Variants in RORC observed in about 807,000 individuals in gnomAD.
The protein encoded by RORC is nuclear receptor ROR-gamma.
A neutral mutation model predicts 64.5 loss-of-function variants in RORC; 13 were observed. The observed-to-expected ratio is 0.20, with a 90% CI of 0.13 to 0.32. The LOEUF is 0.32. Ranked by LOEUF, RORC falls within the 10% of genes least tolerant of loss-of-function variation. The pLI, the probability that RORC is intolerant of heterozygous loss-of-function variation, is 1.00. For synonymous variants in RORC, 277 were observed against 259.3 expected (o/e 1.07, Z -0.65); for missense variants, 468 against 669.5 (o/e 0.70, Z 3.32).
chr1:151,827,960 C>T (rs1388401514), intron 2 of RORC, among the ~76,000 whole-genome samples: 1 of 151,932 alleles, frequency 6.6e-6, no homozygotes, highest in Non-Finnish European at 1.5e-5. Flanking sequence ...TGACCCCCCT[C>T]CCCCAGCTCA....
Position 151,811,357 on chromosome 1 carries a change from A to G in RORC, c.1363T>C (p.Cys455Arg), listed in dbSNP as rs201848485. ...NLELAFHHHL[C>R]KTHRQSILAK... Reference sequence around the variant, plus strand: ...AGGATGCTTTGGCGATGAGTCTTGCAGAGATGATGATGAAAGGCCAGCTCC... The same window carrying G: ...AGGATGCTTTGGCGATGAGTCTTGCGGAGATGATGATGAAAGGCCAGCTCC... Residue 455 changes from cysteine (C) to arginine (R), a missense_variant, in exon 10 of 11, where the codon TGC becomes CGC. Physicochemically the swap from Cys to Arg is radical, Grantham distance 180. This residue lies in a region of RORC where 93 missense variants were observed against 116.6 expected (regional missense o/e 0.80). Transcript: ENST00000318247. 8.1e-6 allele frequency: 13 copies of G among 1,613,832 alleles called. No individual in the cohort carries two copies. Among genetic ancestry groups the G allele is most frequent in the Non-Finnish European group, 1.1e-5 (13 of 1,179,840 alleles).
At chr1:151,825,804 G>C (rs374085675) in intron 2 of RORC, 1 of 1,139,056 alleles carries the variant, frequency 8.8e-7, no homozygotes, top group African/African-American at 1.5e-5. Context: ...AACAGATCTT[G>C]ACCTTGACCA....
intron 2 of RORC, among the ~76,000 whole-genome samples, chr1:151,821,671 A>G (rs1651998955): frequency 6.6e-6 from 1 of 152,204 alleles, no homozygotes; most frequent in Non-Finnish European, 1.5e-5. Flanking sequence ...GATCTCTGTA[A>G]TTCTGCAGCC....
intron 9 of RORC, 116 bp from the exon 10 acceptor site, chr1:151,811,550 G>T: frequency 1.7e-6 from 1 of 591,030 alleles, no homozygotes; most frequent in Non-Finnish European, 3.0e-6. Flanking sequence ...TAAGCTGAGC[G>T]CGTGCATGTG....
rs148449205 is a variant in RORC, at chr1:151,820,274, T to C, written c.71-2994A>G. Among the ~76,000 whole-genome samples, 835 of 152,126 alleles carry C rather than the reference T, an allele frequency of 5.5e-3. 11 individuals carry two copies. Among genetic ancestry groups the C allele is most frequent in the African/African-American group, 0.018 (758 of 41,472 alleles). ...GAGAACGGGAAGGGGGCTGGTAGAC[T>C]TGGGGGTTGGTGAGAGGAGCTGAAA... On this transcript the variant is annotated intron_variant, in intron 2 of 10. Transcript: ENST00000318247.
In RORC at chr1:151,817,246, C is replaced by T. The variant is rs199920990; in HGVS notation, c.105G>A (p.Gly35=). The T allele has an allele frequency of 3.7e-5, 59 of 1,613,966 alleles. No individual in the cohort carries two copies. Among genetic ancestry groups the T allele is most frequent in the Non-Finnish European group, 5.0e-5 (59 of 1,179,970 alleles). The part of the protein sequence containing the change: ...QIEVIPCKIC[G]DKSSGIHYGV... ...CGTAGTGGATCCCAGACGACTTGTC[C>T]CCACAGATTTTGCAAGGGATCACTT... Residue 35 remains glycine, a synonymous_variant, in exon 3 of 11, where the codon GGG becomes GGA. Transcript: ENST00000318247.
chr1:151,811,488 T>C (rs778463049), intron 9 of RORC, 54 bp from the exon 10 acceptor site: 15 of 1,133,420 alleles, frequency 1.3e-5, no homozygotes, highest in Admixed American at 1.9e-5. Context: ...GGACATTAAC[T>C]CCCAACAAAA....
Position 151,811,380 on chromosome 1 carries a change from T to A in RORC, c.1340A>T (p.Glu447Val), listed in dbSNP as rs202117520. Reference sequence around the variant, plus strand: ...GCAGAGATGATGATGAAAGGCCAGCTCCAGATTGTACTGCAGCTGTTCTAC... The same window carrying A: ...GCAGAGATGATGATGAAAGGCCAGCACCAGATTGTACTGCAGCTGTTCTAC... ...RKVEQLQYNL[E>V]LAFHHHLCKT... The change falls in exon 10 of 11, where the codon GAG (glutamate) becomes GTG (valine). Residue 447 changes from glutamate to valine, a missense_variant. Glu to Val is a moderately radical substitution (Grantham distance 121). Coordinates refer to ENST00000318247, the MANE Select transcript of RORC (RefSeq NM_005060.4). The A allele has an allele frequency of 1.9e-6, 3 of 1,614,008 alleles. No homozygotes were observed. In the East Asian group the frequency reaches 6.7e-5, roughly 36 times the overall value.
intron 6 of RORC, chr1:151,814,335 G>T: frequency 2.1e-6 from 1 of 467,160 alleles, no homozygotes; most frequent in Non-Finnish European, 3.8e-6. Flanking sequence ...GAGGTAGGAT[G>T]AAGGCCAGGT....
chr1:151,811,057 A>G (rs1572034760), intron 10 of RORC, among the ~76,000 whole-genome samples: 1 of 152,272 alleles, frequency 6.6e-6, no homozygotes, highest in East Asian at 1.9e-4. Context: ...TGCCTTGTAC[A>G]AGCAGGTGCT....
At chr1:151,823,224 C>T (rs1652060253) in intron 2 of RORC, among the ~76,000 whole-genome samples, 1 of 152,138 alleles carries the variant, frequency 6.6e-6, no homozygotes, top group African/African-American at 2.4e-5. Flanking sequence ...CTTTCTGGCC[C>T]ACTGTTCCTC....
chr1:151,821,010 G>A (rs1266840369), intron 2 of RORC, among the ~76,000 whole-genome samples: 1 of 152,200 alleles, frequency 6.6e-6, no homozygotes, highest in African/African-American at 2.4e-5. Context: ...AAAAGAAACT[G>A]AATCTCCTCT....
In RORC at chr1:151,828,213, T is replaced by C. The variant is rs143605540; in HGVS notation, c.70+1216A>G. On this transcript the variant is annotated intron_variant, in intron 2 of 10. Transcript: ENST00000318247. Reference sequence around the variant, plus strand: ...AGGGAGGCTCTAGACAATTTTGGCATTGGGCGAGATGGCAGTGAGCTCTCA... The same window carrying C: ...AGGGAGGCTCTAGACAATTTTGGCACTGGGCGAGATGGCAGTGAGCTCTCA... Among the ~76,000 whole-genome samples the C allele has an allele frequency of 8.7e-4, 132 of 152,242 alleles. 1 individual carries two copies. The East Asian group carries it at 0.022, about 25-fold the overall frequency.
At position 151,813,567 on chromosome 1, in the gene RORC, C is replaced by G. The variant is rs1572036625; in HGVS notation, c.987G>C (p.Gln329His). The change falls in exon 7 of 11, where the codon CAG (glutamine) becomes CAC (histidine). Residue 329 changes from glutamine (Q) to histidine (H), a missense_variant. By Grantham distance (24) the Gln-to-His change is conservative (BLOSUM62 0). This residue lies in a region of RORC where 100 missense variants were observed against 190.8 expected (regional missense o/e 0.52). Transcript: ENST00000318247. Reference sequence around the variant, plus strand: ...GCCTCTTGGCGAACTCCACCACGTACTGAATGGCCTCGGTGAGGTGGTGGG... The same window carrying G: ...GCCTCTTGGCGAACTCCACCACGTAGTGAATGGCCTCGGTGAGGTGGTGGG... ...RCAHHLTEAI[Q>H]YVVEFAKRLS... 6.2e-7 allele frequency: 1 copy of G among 1,614,084 alleles called. No homozygotes were observed. Among genetic ancestry groups the G allele is most frequent in the African/African-American group, 1.3e-5 (1 of 74,946 alleles).
chr1:151,812,858 T>A (rs1284132296), intron 9 of RORC, 89 bp downstream of exon 9: 4 of 795,178 alleles, frequency 5.0e-6, no homozygotes, highest in Non-Finnish European at 8.4e-6. Context: ...TTCCCAGATT[T>A]AACTACATCT....
intron 2 of RORC, among the ~76,000 whole-genome samples, chr1:151,824,340 T>C (rs1652109732): frequency 6.6e-6 from 1 of 152,092 alleles, no homozygotes; most frequent in Non-Finnish European, 1.5e-5. Flanking sequence ...TGGCCAAGTG[T>C]CTCCCTCAGC....
At position 151,830,638 on chromosome 1, in the gene RORC, A is replaced by ACG. The variant is rs1652370749; in HGVS notation, c.40+1086_40+1087insCG. 6.9e-6 allele frequency among the ~76,000 whole-genome samples: 1 copy of ACG among 144,558 alleles called. No individual in the cohort carries two copies. The allele number at this position is 144,558 out of a possible 152,430, so 94.8% of individuals were successfully genotyped here. On this transcript the variant is annotated intron_variant, in intron 1 of 10. Coordinates refer to ENST00000318247, the MANE Select transcript of RORC (RefSeq NM_005060.4). The surrounding 1 kb of genome is among the most constrained non-coding windows in gnomAD (Gnocchi z 4.0). ...ACCTGACATACACACACACACACAC[A>ACG]CACACACACACACACACACACACAG... is the stretch of plus-strand genomic sequence containing the variant.
intron 10 of RORC, among the ~76,000 whole-genome samples, chr1:151,809,857 C>A (rs1473828447): frequency 6.6e-6 from 1 of 152,150 alleles, no homozygotes; most frequent in Non-Finnish European, 1.5e-5. Flanking sequence ...AAGTAAATTG[C>A]CTAAATGACA....
intron 2 of RORC, among the ~76,000 whole-genome samples, chr1:151,822,080 A>T (rs959912882): frequency 2.0e-5 from 3 of 151,662 alleles, no homozygotes; most frequent in African/African-American, 7.3e-5. Flanking sequence ...TGAATGAATG[A>T]GTGAGAAAGA....
Sources: allele counts gnomAD v4.1 joint callset (sites outside exome capture counted in the v4.1 genomes callset), GRCh38; gene constraint gnomAD v4.1.1; regional missense constraint gnomAD v4.1.1; non-coding constraint Gnocchi (gnomAD v3.1); transcripts MANE v1.5; gene names NCBI Gene and HGNC (gene_info 2026-07-23, HGNC 2026-07-21).